Variants in KCNH7 observed in about 807,000 individuals in gnomAD.
KCNH7 encodes voltage-gated inwardly rectifying potassium channel KCNH7.
In KCNH7, 49 loss-of-function variants were observed where a neutral mutation model predicts 120.8. That is an observed-to-expected ratio of 0.41 (90% CI 0.32 to 0.51). KCNH7 has a LOEUF of 0.51. Among genes scored for constraint, KCNH7 ranks in the 20% least tolerant of loss-of-function variants. The pLI is 0.38. For synonymous variants in KCNH7, 547 were observed against 516.1 expected, an observed-to-expected ratio of 1.06 and a Z score of -0.81; for missense variants, 1,097 against 1,446.6, an observed-to-expected ratio of 0.76 and a Z score of 3.92.
At chr2:162,582,349 T>C (rs1021187384) in intron 2 of KCNH7, among the ~76,000 whole-genome samples, 2 of 152,038 alleles carry the variant, frequency 1.3e-5, no homozygotes, top group African/African-American at 4.8e-5. Flanking sequence ...CATACTCTTT[T>C]ATATGGAGTG....
intron 2 of KCNH7, among the ~76,000 whole-genome samples, chr2:162,615,434 G>T (rs561544884): frequency 6.6e-6 from 1 of 152,172 alleles, no homozygotes; most frequent in Non-Finnish European, 1.5e-5. Flanking sequence ...ATTGGTCAAG[G>T]GATTCAATTA....
intron 8 of KCNH7, among the ~76,000 whole-genome samples, chr2:162,433,579 C>T (rs1457486353): frequency 6.6e-6 from 1 of 152,022 alleles, no homozygotes; most frequent in Non-Finnish European, 1.5e-5. Flanking sequence ...TAGCCATATG[C>T]AGAAGTGCTG....
chr2:162,388,360 A>ACG (rs1491568827), intron 12 of KCNH7, among the ~76,000 whole-genome samples: 1 of 127,820 alleles, frequency 7.8e-6, no homozygotes. Context: ...CCCCACATAA[A>ACG]CACACACACA....
chr2:162,433,050 T>C (rs1332747676), intron 8 of KCNH7, among the ~76,000 whole-genome samples: 1 of 151,836 alleles, frequency 6.6e-6, no homozygotes. Context: ...AAAAATAAAA[T>C]AGCGGGGAAT....
intron 2 of KCNH7, among the ~76,000 whole-genome samples, chr2:162,663,981 A>G (rs752934654): frequency 6.6e-6 from 1 of 152,044 alleles, no homozygotes; most frequent in Non-Finnish European, 1.5e-5. Context: ...TCCTCTACTC[A>G]TTTCTACCAA....
chr2:162,437,112 C>G (rs950191187), intron 7 of KCNH7, among the ~76,000 whole-genome samples: 1 of 152,110 alleles, frequency 6.6e-6, no homozygotes, highest in African/African-American at 2.4e-5. Flanking sequence ...CAGAGCAAGA[C>G]CCTGTCTTTA....
intron 8 of KCNH7, among the ~76,000 whole-genome samples, chr2:162,430,052 T>G (rs1316042445): frequency 1.3e-5 from 2 of 151,894 alleles, no homozygotes; most frequent in African/African-American, 2.4e-5. Flanking sequence ...TTTTTTTGTC[T>G]TAAAAAAAGT....
intron 2 of KCNH7, among the ~76,000 whole-genome samples, chr2:162,788,209 C>A (rs1283915193): frequency 6.6e-6 from 1 of 152,142 alleles, no homozygotes; most frequent in Non-Finnish European, 1.5e-5. Flanking sequence ...TGATGGTTGA[C>A]TTATGACTTT....
chr2:162,402,790 T>C (rs747393008), intron 9 of KCNH7, among the ~76,000 whole-genome samples: 2 of 151,402 alleles, frequency 1.3e-5, no homozygotes, highest in Non-Finnish European at 3.0e-5. Context: ...AAAAATTGCG[T>C]GTGTGTGTGT....
At chr2:162,400,512 C>T (rs1431881432) in intron 9 of KCNH7, 71 bp from the exon 10 acceptor site, 8 of 1,515,876 alleles carry the variant, frequency 5.3e-6, no homozygotes, top group Non-Finnish European at 7.2e-6. Flanking sequence ...CAGTCAATTT[C>T]TTGCTCACAG....
intron 2 of KCNH7, among the ~76,000 whole-genome samples, chr2:162,763,798 T>C (rs935307348): frequency 6.6e-6 from 1 of 151,396 alleles, no homozygotes; most frequent in African/African-American, 2.4e-5. Context: ...TTTTACTACT[T>C]ATGCTTATTG....
chr2:162,630,860 T>C (rs542290067), intron 2 of KCNH7, among the ~76,000 whole-genome samples: 175 of 152,144 alleles, frequency 1.2e-3, no homozygotes, highest in African/African-American at 4.0e-3. Context: ...AGGGTAAAAG[T>C]TGGGAACATA....
At chr2:162,450,219 C>T (rs985362386) in intron 6 of KCNH7, among the ~76,000 whole-genome samples, 8 of 151,982 alleles carry the variant, frequency 5.3e-5, no homozygotes, top group Admixed American at 1.3e-4. Context: ...AGCTTTAGGG[C>T]ATTATTGAAT....
At position 162,623,335 on chromosome 2, in the gene KCNH7, G is replaced by A. The variant is rs186712845; in HGVS notation, c.308-86255C>T. ...TACATATTGTAACTTGCCTTTTGTT[G>A]TCATTTTTGTAAGTGTAAAGTGGCT... On this transcript the variant is annotated intron_variant, in intron 2 of 15. Coordinates refer to ENST00000332142, the MANE Select transcript of KCNH7 (RefSeq NM_033272.4). Among the ~76,000 whole-genome samples the A allele has an allele frequency of 3.1e-3, 465 of 152,136 alleles. 2 individuals carry two copies. Among genetic ancestry groups the A allele is most frequent in the African/African-American group, 0.011 (443 of 41,522 alleles).
At chr2:162,404,657 G>T (rs1260598048) in intron 9 of KCNH7, among the ~76,000 whole-genome samples, 2 of 151,942 alleles carry the variant, frequency 1.3e-5, no homozygotes, top group Admixed American at 6.6e-5. Flanking sequence ...ATGACCGTAA[G>T]TTCCTGAGGC....
Position 162,379,906 on chromosome 2 carries a change from G to T in KCNH7, c.3078C>A (p.Leu1026=). The part of the protein sequence containing the change: ...AWGISETESD[L]TYGEVEQRLD... ...ATCTTTGTTCCACTTCCCCGTAGGT[G>T]AGGTCGCTTTCGGTTTCAGAGATAC... Residue 1026 remains leucine (L), a synonymous_variant, in exon 14 of 16, where the codon CTC becomes CTA. Coordinates refer to ENST00000332142, the MANE Select transcript of KCNH7 (RefSeq NM_033272.4). The T allele has an allele frequency of 6.2e-7, 1 of 1,614,006 alleles. No individual in the cohort carries two copies. Among genetic ancestry groups the T allele is most frequent in the East Asian group, 2.2e-5 (1 of 44,848 alleles).
intron 2 of KCNH7, among the ~76,000 whole-genome samples, chr2:162,699,310 C>T (rs986955336): frequency 6.6e-6 from 1 of 152,034 alleles, no homozygotes; most frequent in African/African-American, 2.4e-5. Context: ...CTTATTTCAC[C>T]GAATGTCCTC....
chr2:162,536,913 C>A lies in KCNH7; in HGVS notation c.463+12G>T. The A allele has an allele frequency of 1.2e-6, 2 of 1,609,154 alleles. No individual in the cohort carries two copies. The highest frequency in any genetic ancestry group is 1.7e-5 in the Admixed American group (1 of 59,906). On this transcript the variant is annotated intron_variant, in intron 3 of 15. Transcript: ENST00000332142. ...TATCAAGAGCATTGAGTACACATTGCCTTTTACTTACGGTTTACAGTTTTG... is the reference window on the plus strand; with the variant it reads ...TATCAAGAGCATTGAGTACACATTGACTTTTACTTACGGTTTACAGTTTTG...
intron 2 of KCNH7, among the ~76,000 whole-genome samples, chr2:162,833,044 C>A (rs970744414): frequency 6.6e-6 from 1 of 152,002 alleles, no homozygotes; most frequent in African/African-American, 2.4e-5. Context: ...AATACAGGAA[C>A]GCTCTGACCT....
Sources: allele counts gnomAD v4.1 joint callset (sites outside exome capture counted in the v4.1 genomes callset), GRCh38; gene constraint gnomAD v4.1.1; transcripts MANE v1.5; gene names NCBI Gene and HGNC (gene_info 2026-07-23, HGNC 2026-07-21).